Variants in HDAC9 observed in about 807,000 individuals in gnomAD.
The protein encoded by HDAC9 is histone deacetylase 9.
In HDAC9, 41 loss-of-function variants were observed where a neutral mutation model predicts 139.4. The ratio of observed to expected loss-of-function variants is 0.29; its 90% CI spans 0.23 to 0.38. HDAC9 has a LOEUF of 0.38. HDAC9 is among the 10% of genes least tolerant of loss of function. The pLI is 1.00. For synonymous variants in HDAC9, 517 were observed against 476.2 expected (o/e 1.09, Z -1.12); for missense variants, 1,147 against 1,297.0 (o/e 0.88, Z 1.78).
intron 11 of HDAC9, among the ~76,000 whole-genome samples, chr7:18,652,506 A>G (rs978689623): frequency 2.0e-5 from 3 of 152,120 alleles, no homozygotes; most frequent in African/African-American, 4.8e-5. Context: ...AAAAGGGCAA[A>G]TCTCTAGTCA....
intron 23 of HDAC9, among the ~76,000 whole-genome samples, chr7:18,951,698 A>G (rs571247281): frequency 1.3e-5 from 2 of 152,050 alleles, no homozygotes; most frequent in African/African-American, 4.8e-5. Context: ...AATACATAGC[A>G]AAACTTTACC....
rs931941772 is a variant in HDAC9, at chr7:18,648,690, C to T, written c.1467+7C>T. The T allele has an allele frequency of 1.9e-6, 3 of 1,605,364 alleles. No homozygotes were observed. The highest frequency in any genetic ancestry group is 1.1e-5 in the South Asian group (1 of 90,328). On this transcript the variant is annotated splice_region_variant and intron_variant, in intron 11 of 25. Coordinates refer to ENST00000686413, the MANE Select transcript of HDAC9 (RefSeq NM_178425.4). ...GCAGATCCACATGAACAAAGTAAGC[C>T]TCCAAGCCAAGTCAAAATGTTCTAA...
At chr7:18,225,895 ATACT>A (rs1205117880) in intron 2 of HDAC9, among the ~76,000 whole-genome samples, 1 of 152,184 alleles carries the variant, frequency 6.6e-6, no homozygotes, top group Non-Finnish European at 1.5e-5. Context: ...TTATTAAGTC[ATACT>A]TAGAGTATTA....
intron 14 of HDAC9, among the ~76,000 whole-genome samples, chr7:18,751,624 G>A (rs1376091188): frequency 6.6e-6 from 1 of 151,606 alleles, no homozygotes; most frequent in Admixed American, 6.6e-5. Context: ...TTCTAAAACT[G>A]CTAAAAATTA....
At chr7:18,195,886 T>C (rs1250574938) in intron 2 of HDAC9, among the ~76,000 whole-genome samples, 1 of 152,136 alleles carries the variant, frequency 6.6e-6, no homozygotes, top group Non-Finnish European at 1.5e-5. Context: ...TTTGTATTGG[T>C]TAAAAAATTG....
intron 21 of HDAC9, among the ~76,000 whole-genome samples, chr7:18,849,371 T>C (rs553004704): frequency 2.0e-5 from 3 of 152,116 alleles, no homozygotes; most frequent in Non-Finnish European, 4.4e-5. Context: ...AGTGTCAGTT[T>C]CCTTTGCTAT....
At chr7:18,294,563 G>A (rs1456269754) in intron 1 of HDAC9, among the ~76,000 whole-genome samples, 1 of 152,084 alleles carries the variant, frequency 6.6e-6, no homozygotes, top group African/African-American at 2.4e-5. Flanking sequence ...AGAGAGTAAA[G>A]GTCAGCATGG....
intron 8 of HDAC9, among the ~76,000 whole-genome samples, chr7:18,636,653 C>G (rs1783991176): frequency 6.6e-6 from 1 of 152,044 alleles, no homozygotes; most frequent in African/African-American, 2.4e-5. Context: ...CTATTTCTTA[C>G]TTACTATCCT....
At chr7:18,574,743 A>G (rs1033559989) in intron 2 of HDAC9, among the ~76,000 whole-genome samples, 7 of 152,258 alleles carry the variant, frequency 4.6e-5, no homozygotes, top group Non-Finnish European at 1.0e-4. Context: ...TGCCCTGAGC[A>G]TGCACATACC....
In HDAC9 at chr7:18,394,614, G is replaced by A. The variant is rs1215336316; in HGVS notation, c.-41-101648G>A. On this transcript the variant is annotated intron_variant, in intron 1 of 3. Transcript: ENST00000413509. ...GTGTTATGTGTGGTTTTGTGTGTGT[G>A]TGTATCTGTGTGTGGAAAGTTTCAC... Among the ~76,000 whole-genome samples the A allele has an allele frequency of 2.6e-5, 4 of 152,078 alleles. No homozygotes were observed. In the East Asian group the frequency reaches 7.7e-4, roughly 29 times the overall value.
intron 1 of HDAC9, among the ~76,000 whole-genome samples, chr7:18,340,493 G>T (rs1291024689): frequency 6.6e-6 from 1 of 151,232 alleles, no homozygotes; most frequent in Non-Finnish European, 1.5e-5. Flanking sequence ...TGATTCCATT[G>T]TATCTCCTTT....
intron 1 of HDAC9, among the ~76,000 whole-genome samples, chr7:18,403,718 G>A (rs1787754948): frequency 6.6e-6 from 1 of 152,194 alleles, no homozygotes; most frequent in African/African-American, 2.4e-5. Context: ...GGTACACCAT[G>A]GTGAGCAAGG....
chr7:18,859,056 TC>T (rs748638618), intron 21 of HDAC9, among the ~76,000 whole-genome samples: 2 of 152,266 alleles, frequency 1.3e-5, no homozygotes, highest in Non-Finnish European at 2.9e-5. Flanking sequence ...TGAGTTTGAA[TC>T]CCAAGTCAGT....
rs1799650358 is a variant in HDAC9, at chr7:18,880,462, C to T, written c.2803+5866C>T. Among the ~76,000 whole-genome samples, 7 of 152,048 alleles carry T rather than the reference C, an allele frequency of 4.6e-5. No homozygotes were observed. In the South Asian group the frequency reaches 1.5e-3, roughly 32 times the overall value. On this transcript the variant is annotated intron_variant, in intron 22 of 25. Coordinates refer to ENST00000686413, the MANE Select transcript of HDAC9 (RefSeq NM_178425.4). ...GAAAATGTGGTACATATACACCATA[C>T]TATGCAGCCATAAAAAAGAACAAGC... is the stretch of plus-strand genomic sequence containing the variant.
intron 1 of HDAC9, among the ~76,000 whole-genome samples, chr7:18,361,433 A>G (rs1265752133): frequency 6.6e-6 from 1 of 152,176 alleles, no homozygotes; most frequent in African/African-American, 2.4e-5. Flanking sequence ...TTATTTGGGT[A>G]GTATTCACTG....
chr7:18,717,283 C>T (rs186340502), intron 12 of HDAC9, among the ~76,000 whole-genome samples: 2 of 152,110 alleles, frequency 1.3e-5, no homozygotes, highest in East Asian at 3.9e-4. Context: ...ACCGCACTTG[C>T]GTACTAGAAT....
intron 2 of HDAC9, among the ~76,000 whole-genome samples, chr7:18,275,706 G>C (rs1796673509): frequency 6.6e-6 from 1 of 151,968 alleles, no homozygotes; most frequent in African/African-American, 2.4e-5. Context: ...TACCTTTATG[G>C]GTTTGTTTAC....
rs188248430 is a variant in HDAC9, at chr7:18,686,173, A to G, written c.1731+19697A>G. Among the ~76,000 whole-genome samples the G allele has an allele frequency of 3.2e-4, 48 of 152,066 alleles. 1 individual carries two copies. The highest frequency in any genetic ancestry group is 6.3e-4 in the Non-Finnish European group (43 of 67,934). The stretch of plus-strand genomic sequence containing the variant: ...ATACAGTAACAGACACTCAGGTCTG[A>G]CTCATAAACTATTCAATGTAACTTC... On this transcript the variant is annotated intron_variant, in intron 12 of 25. Transcript: ENST00000686413.
chr7:18,164,704 C>T (rs902984760), intron 2 of HDAC9, among the ~76,000 whole-genome samples: 2 of 152,130 alleles, frequency 1.3e-5, no homozygotes, highest in African/African-American at 2.4e-5. Flanking sequence ...TACAAAATGC[C>T]GCCGTCTTAA....
Sources: allele counts gnomAD v4.1 joint callset (sites outside exome capture counted in the v4.1 genomes callset), GRCh38; gene constraint gnomAD v4.1.1; transcripts MANE v1.5; gene names NCBI Gene and HGNC (gene_info 2026-07-23, HGNC 2026-07-21).